The following RIPOR2 variants were observed in gnomAD, a reference collection of about 807,000 sequenced individuals.
RIPOR2 encodes the protein rho family-interacting cell polarization regulator 2.
In RIPOR2, 39 loss-of-function variants were observed where a neutral mutation model predicts 114.5. That is an observed-to-expected ratio of 0.34 (90% CI 0.26 to 0.44). The LOEUF (loss-of-function observed/expected upper bound fraction) is 0.44, where lower values mean the gene tolerates loss of function less well. RIPOR2 is among the 20% of genes least tolerant of loss of function. The probability of loss-of-function intolerance (pLI) is 1.00; values close to 1 mark genes in which losing one functional copy is unlikely to be tolerated. For synonymous variants in RIPOR2, 445 were observed against 484.4 expected (o/e 0.92, Z 1.07); for missense variants, 1,007 against 1,255.1 (o/e 0.80, Z 2.99).
intron 1 of RIPOR2, among the ~76,000 whole-genome samples, chr6:24,975,212 A>C (rs10946738): frequency 0.2 from 30,216 of 152,168 alleles, 3,606 homozygotes; most frequent in East Asian, 0.56. Flanking sequence ...TGTAAATTTC[A>C]CCAAACTACT....
At chr6:24,903,876 G>A (rs867858848) in intron 1 of RIPOR2, among the ~76,000 whole-genome samples, 3 of 152,226 alleles carry the variant, frequency 2.0e-5, no homozygotes, top group Non-Finnish European at 4.4e-5. Flanking sequence ...GAGAAGGATC[G>A]TGCCATGCAC....
At chr6:24,993,772 A>G (rs1034737435) in intron 1 of RIPOR2, among the ~76,000 whole-genome samples, 1 of 152,248 alleles carries the variant, frequency 6.6e-6, no homozygotes, top group African/African-American at 2.4e-5. Context: ...AGTCATGTCC[A>G]TTTGTTAATG....
intron 1 of RIPOR2, among the ~76,000 whole-genome samples, chr6:25,028,257 C>T (rs1217885769): frequency 6.6e-6 from 1 of 152,140 alleles, no homozygotes; most frequent in Non-Finnish European, 1.5e-5. Flanking sequence ...ACTCCCAGAG[C>T]TGTGTGCATT....
chr6:24,892,674 A>G (rs1158355054), intron 1 of RIPOR2, among the ~76,000 whole-genome samples: 4 of 152,326 alleles, frequency 2.6e-5, no homozygotes, highest in Admixed American at 1.3e-4. Context: ...GAAATAAAGC[A>G]GGCAACAGAT....
chr6:24,861,747 T>A (rs1764090537), intron 7 of RIPOR2, among the ~76,000 whole-genome samples: 1 of 152,358 alleles, frequency 6.6e-6, no homozygotes, highest in South Asian at 2.1e-4. Context: ...TAGGGTGAAA[T>A]GTCATGATGT....
rs1562229115 is a variant in RIPOR2, at chr6:24,830,496, T to G, written c.2506+13A>C. Reference sequence around the variant, plus strand: ...TGAAGGACAGAAATTCTCTCTCTACTGCTGCCTCATACCTGGGTCTGCAAG... The same window carrying G: ...TGAAGGACAGAAATTCTCTCTCTACGGCTGCCTCATACCTGGGTCTGCAAG... On this transcript the variant is annotated intron_variant, in intron 17 of 21. Coordinates refer to ENST00000643898, the MANE Select transcript of RIPOR2 (RefSeq NM_001286445.3). The G allele has an allele frequency of 4.8e-6, 7 of 1,469,522 alleles. No homozygotes were observed. Among genetic ancestry groups the G allele is most frequent in the Non-Finnish European group, 6.4e-6 (7 of 1,094,250 alleles). The allele number at this position is 1,469,522 out of a possible 1,614,324, so 91.0% of individuals were successfully genotyped here.
intron 1 of RIPOR2, among the ~76,000 whole-genome samples, chr6:24,931,441 G>T (rs1395791881): frequency 6.6e-6 from 1 of 152,176 alleles, no homozygotes; most frequent in Non-Finnish European, 1.5e-5. Flanking sequence ...TTTCCAACCA[G>T]CTGTTAGTCT....
intron 1 of RIPOR2, among the ~76,000 whole-genome samples, chr6:24,946,671 G>A (rs551131725): frequency 6.6e-6 from 1 of 152,174 alleles, no homozygotes; most frequent in Non-Finnish European, 1.5e-5. Flanking sequence ...GCAGGGACTG[G>A]GATCAGGGGG....
At chr6:24,820,425 A>G (rs4712851) in intron 19 of RIPOR2, among the ~76,000 whole-genome samples, 46,094 of 152,128 alleles carry the variant, frequency 0.3, 7,948 homozygotes, top group East Asian at 0.69. Context: ...GTATAATTCA[A>G]TGGTTTTTAG....
chr6:24,835,918 A>C, intron 14 of RIPOR2, 47 bp from the exon 15 acceptor site: 1 of 1,536,428 alleles, frequency 6.5e-7, no homozygotes, highest in Non-Finnish European at 8.8e-7. Context: ...CTGTGCACAA[A>C]CCACAGGTCA....
At chr6:24,998,842 A>G (rs2113640533) in intron 1 of RIPOR2, among the ~76,000 whole-genome samples, 1 of 151,722 alleles carries the variant, frequency 6.6e-6, no homozygotes, top group Middle Eastern at 3.4e-3. Context: ...ATGGCACGGG[A>G]ACAGATTGGA....
intron 1 of RIPOR2, among the ~76,000 whole-genome samples, chr6:25,016,130 C>A (rs1775989967): frequency 6.6e-6 from 1 of 151,878 alleles, no homozygotes; most frequent in Admixed American, 6.6e-5. Context: ...TGGTCTCGAA[C>A]TCCTGACCTT....
In RIPOR2 at chr6:24,852,560, C is replaced by A. The variant is rs1385433640; in HGVS notation, c.759+15G>T. The A allele has an allele frequency of 4.4e-6, 7 of 1,607,394 alleles. No homozygotes were observed. The African/African-American group carries it at 8.1e-5, about 18-fold the overall frequency. On this transcript the variant is annotated intron_variant, in intron 9 of 21. Transcript: ENST00000643898. The stretch of plus-strand genomic sequence containing the variant: ...AGGTCCATAATTCCAGCACCTAGAC[C>A]AAGACAATACTTACTTCATATTGAT...
chr6:24,974,116 G>A (rs1228072349), intron 1 of RIPOR2, among the ~76,000 whole-genome samples: 2 of 152,204 alleles, frequency 1.3e-5, no homozygotes, highest in East Asian at 3.8e-4. Flanking sequence ...TTGGGTGGTG[G>A]CTCATGCCTG....
intron 1 of RIPOR2, among the ~76,000 whole-genome samples, chr6:24,996,618 C>T (rs1273397849): frequency 1.3e-5 from 2 of 152,212 alleles, no homozygotes; most frequent in African/African-American, 4.8e-5. Flanking sequence ...TGTCCAACCA[C>T]GCTGATGTAC....
chr6:24,998,586 T>G (rs1775149990), intron 1 of RIPOR2, among the ~76,000 whole-genome samples: 1 of 152,188 alleles, frequency 6.6e-6, no homozygotes, highest in Non-Finnish European at 1.5e-5. Context: ...CCTTTCAACG[T>G]CTCTCCATTG....
intron 1 of RIPOR2, among the ~76,000 whole-genome samples, chr6:24,964,113 G>A (rs663165): frequency 0.012 from 1,853 of 148,532 alleles, 34 homozygotes; most frequent in African/African-American, 0.039. Context: ...ATTGACATTG[G>A]TGCAGTATCA....
intron 1 of RIPOR2, chr6:24,877,026 G>A: frequency 1.0e-6 from 1 of 985,246 alleles, no homozygotes; most frequent in Non-Finnish European, 1.2e-6. Flanking sequence ...TTACTGCCCA[G>A]ATTGAAGACT....
intron 1 of RIPOR2, chr6:24,911,320 G>A (rs1403212981): frequency 6.6e-6 from 1 of 152,274 alleles, no homozygotes; most frequent in Admixed American, 6.5e-5. Flanking sequence ...AGTGACCCGT[G>A]GAATCGCGCC....
Sources: allele counts gnomAD v4.1 joint callset (sites outside exome capture counted in the v4.1 genomes callset), GRCh38; gene constraint gnomAD v4.1.1; transcripts MANE v1.5; gene names NCBI Gene and HGNC (gene_info 2026-07-23, HGNC 2026-07-21).